Variants in CD38 observed in about 807,000 individuals in gnomAD.
CD38 encodes the protein CD38 molecule.
A neutral mutation model predicts 36.3 loss-of-function variants in CD38; 31 were observed. That is an observed-to-expected ratio of 0.85 (90% CI 0.64 to 1.15). The LOEUF is 1.15. Among genes scored for constraint, CD38 ranks in the 50% most tolerant of loss-of-function variants. The pLI, the probability that CD38 is intolerant of heterozygous loss-of-function variation, is 0.00. For synonymous variants in CD38, 131 were observed against 135.2 expected (o/e 0.97, Z 0.22); for missense variants, 380 against 371.9 (o/e 1.02, Z -0.18).
chr4:15,830,580 G>GA (rs1022055112), intron 3 of CD38, among the ~76,000 whole-genome samples: 1 of 152,042 alleles, frequency 6.6e-6, no homozygotes, highest in African/African-American at 2.4e-5. Context: ...TTGCTATGCA[G>GA]AAGCTTTTTA....
At position 15,824,984 on chromosome 4, in the gene CD38, A is replaced by G; in HGVS notation, c.467A>G (p.Asp156Gly). The change falls in exon 3 of 8, where the codon GAC becomes GGC. Residue 156 changes from aspartate (D) to glycine (G), a missense_variant. Physicochemically the swap from Asp to Gly is moderately conservative, Grantham distance 94. Transcript: ENST00000226279. Reference sequence around the variant, plus strand: ...ACGCTGCTAGGCTACCTTGCTGATGACCTCACATGGTGTGGTGAATTCAAC... The same window carrying G: ...ACGCTGCTAGGCTACCTTGCTGATGGCCTCACATGGTGTGGTGAATTCAAC... ...EDTLLGYLAD[D>G]LTWCGEFNTS... The G allele has an allele frequency of 6.2e-7, 1 of 1,613,604 alleles. No individual in the cohort carries two copies. The highest frequency in any genetic ancestry group is 1.3e-5 in the African/African-American group (1 of 74,978).
chr4:15,782,544 G>A (rs1722722600), intron 1 of CD38, among the ~76,000 whole-genome samples: 1 of 152,168 alleles, frequency 6.6e-6, no homozygotes, highest in African/African-American at 2.4e-5. Flanking sequence ...AATAGTGCCT[G>A]AAATACAATA....
intron 1 of CD38, among the ~76,000 whole-genome samples, chr4:15,787,212 C>T (rs994939499): frequency 3.3e-5 from 5 of 152,226 alleles, no homozygotes; most frequent in African/African-American, 9.6e-5. Flanking sequence ...GCGCAGAGGC[C>T]GGGGGGCACT....
At chr4:15,820,257 C>T (rs1302170690) in intron 2 of CD38, among the ~76,000 whole-genome samples, 1 of 152,158 alleles carries the variant, frequency 6.6e-6, no homozygotes, top group African/African-American at 2.4e-5. Flanking sequence ...AGTACACAGA[C>T]CAATGACACT....
Position 15,785,853 on chromosome 4 carries a change from A to G in CD38, c.233+7206A>G, listed in dbSNP as rs533628562. On this transcript the variant is annotated intron_variant, in intron 1 of 7. Coordinates refer to ENST00000226279, the MANE Select transcript of CD38 (RefSeq NM_001775.4). ...TCGTGGTGAGTGTTACAGTTCTTAAAGGTGGTGTGTCCAGAGTTTGTTCCT... is the reference window on the plus strand; with the variant it reads ...TCGTGGTGAGTGTTACAGTTCTTAAGGGTGGTGTGTCCAGAGTTTGTTCCT... Among the ~76,000 whole-genome samples the G allele has an allele frequency of 7.3e-4, 111 of 152,262 alleles. 2 individuals carry two copies. The highest frequency in any genetic ancestry group is 6.8e-3 in the Admixed American group (104 of 15,300).
At chr4:15,839,411 A>ATT (rs1724150668) in intron 5 of CD38, among the ~76,000 whole-genome samples, 2 of 108,202 alleles carry the variant, frequency 1.8e-5, no homozygotes, top group African/African-American at 3.7e-5. Flanking sequence ...GAAATTCTAC[A>ATT]TTTCTTTTTT....
At chr4:15,823,381 C>A (rs559276633) in intron 2 of CD38, among the ~76,000 whole-genome samples, 1 of 152,254 alleles carries the variant, frequency 6.6e-6, no homozygotes, top group African/African-American at 2.4e-5. Context: ...TCAGAGTGAA[C>A]AGAAAACCTG....
chr4:15,834,352 A>T (rs757755871), intron 4 of CD38, 50 bp downstream of exon 4: 1 of 1,101,778 alleles, frequency 9.1e-7, no homozygotes. Flanking sequence ...ACAGAACTTA[A>T]GACGTTACTC....
rs565337275 is a variant in CD38, at chr4:15,837,604, A to AT, written c.586-486dup. Among the ~76,000 whole-genome samples the AT allele has an allele frequency of 7.9e-5, 12 of 152,290 alleles. No individual in the cohort carries two copies. The East Asian group carries it at 2.3e-3, about 29-fold the overall frequency. On this transcript the variant is annotated intron_variant, in intron 4 of 7. Transcript: ENST00000226279. ...ACCCTTTGCTCAAGCATATTTATTC[A>AT]TTCACTTATTCAGTCCTCCTTTCTC...
At chr4:15,821,063 A>G (rs1170583844) in intron 2 of CD38, among the ~76,000 whole-genome samples, 1 of 152,242 alleles carries the variant, frequency 6.6e-6, no homozygotes, top group Non-Finnish European at 1.5e-5. Flanking sequence ...TTACATGGAA[A>G]TTGAACAACC....
chr4:15,783,956 A>G (rs1034293919), intron 1 of CD38, among the ~76,000 whole-genome samples: 2 of 152,232 alleles, frequency 1.3e-5, no homozygotes, highest in Non-Finnish European at 1.5e-5. Context: ...CTGTCTGCCT[A>G]ATGCTAGGGT....
chr4:15,820,991 C>T (rs979669605), intron 2 of CD38, among the ~76,000 whole-genome samples: 1 of 152,214 alleles, frequency 6.6e-6, no homozygotes, highest in African/African-American at 2.4e-5. Flanking sequence ...CAAACAATCT[C>T]ACAGACCACA....
chr4:15,820,723 C>A (rs1344314855), intron 2 of CD38, among the ~76,000 whole-genome samples: 1 of 151,724 alleles, frequency 6.6e-6, no homozygotes, highest in Non-Finnish European at 1.5e-5. Flanking sequence ...GATTTAGATA[C>A]CCACACAATA....
intron 2 of CD38, among the ~76,000 whole-genome samples, chr4:15,821,470 G>A (rs1394879533): frequency 2.0e-5 from 3 of 151,624 alleles, no homozygotes; most frequent in African/African-American, 4.8e-5. Context: ...AAATAGAGAA[G>A]AATCAGATAG....
chr4:15,807,669 G>A (rs565658874), intron 1 of CD38, among the ~76,000 whole-genome samples: 1 of 152,330 alleles, frequency 6.6e-6, no homozygotes, highest in South Asian at 2.1e-4. Context: ...CTCAATTTGA[G>A]GAGAGGAGTG....
chr4:15,790,703 C>T (rs571665784), intron 1 of CD38, among the ~76,000 whole-genome samples: 1 of 151,550 alleles, frequency 6.6e-6, no homozygotes, highest in East Asian at 2.0e-4. Flanking sequence ...GCGTCTCTGC[C>T]CGGCCGCCAT....
At chr4:15,819,808 T>G (rs1371143239) in intron 2 of CD38, among the ~76,000 whole-genome samples, 2 of 152,194 alleles carry the variant, frequency 1.3e-5, no homozygotes. Flanking sequence ...GAAACCACGT[T>G]GGAAAACACA....
At chr4:15,781,962 G>A (rs1722707390) in intron 1 of CD38, among the ~76,000 whole-genome samples, 1 of 152,174 alleles carries the variant, frequency 6.6e-6, no homozygotes, top group Admixed American at 6.5e-5. Context: ...GTTTCACTTG[G>A]TGTCAGCTGG....
At chr4:15,825,155 C>G in intron 3 of CD38, 139 bp downstream of exon 3, 2 of 735,134 alleles carry the variant, frequency 2.7e-6, no homozygotes, top group Non-Finnish European at 4.3e-6. Context: ...TATATTAGTC[C>G]ATTTGTGTTG....
Sources: gnomAD v4.1 joint callset for allele counts (sites outside exome capture counted in the v4.1 genomes callset) on GRCh38, gnomAD v4.1.1 for gene constraint, MANE v1.5 for transcripts, NCBI Gene and HGNC (gene_info 2026-07-23, HGNC 2026-07-21) for gene names.